SDC1: variants seen among roughly 807,000 people sequenced by gnomAD.
The protein encoded by SDC1 is syndecan-1.
Under a neutral mutation model 29.7 loss-of-function variants are expected in SDC1, and 14 were observed. That is an observed-to-expected ratio of 0.47 (90% CI 0.31 to 0.74). The LOEUF is 0.74. Among genes scored for constraint, SDC1 ranks in the 30% least tolerant of loss-of-function variants. The probability of loss-of-function intolerance (pLI) is 0.05; values close to 1 mark genes in which losing one functional copy is unlikely to be tolerated. For missense variants in SDC1, 406 were observed against 400.3 expected (o/e 1.01, Z -0.12); for synonymous variants, 204 against 175.5 (o/e 1.16, Z -1.29).
rs9430 is a variant in SDC1, at chr2:20,201,851, C to T, written c.*915G>A. 1,754 of 161,368 alleles carry T rather than the reference C, an allele frequency of 0.011. 30 individuals are homozygous for T. The highest frequency in any genetic ancestry group is 0.039 in the African/African-American group (1,649 of 41,854). The allele number at this position is 161,368 out of a possible 1,614,324, so 10.0% of individuals were successfully genotyped here. Reference sequence around the variant, plus strand: ...TGAGTCCCAGCATTCACTTCTCACACGGGCTTCTCCAACGTGGCAGCGGCC... The same window carrying T: ...TGAGTCCCAGCATTCACTTCTCACATGGGCTTCTCCAACGTGGCAGCGGCC... On this transcript the variant is annotated 3_prime_UTR_variant, in exon 5 of 5. Coordinates refer to ENST00000254351, the MANE Select transcript of SDC1 (RefSeq NM_002997.5).
chr2:20,200,942 G>C lies in SDC1; in HGVS notation c.*1824C>G, dbSNP rs1188192527. 1 of 152,226 alleles carries C rather than the reference G, an allele frequency of 6.6e-6. No individual in the cohort carries two copies. Among genetic ancestry groups the C allele is most frequent in the Non-Finnish European group, 1.5e-5 (1 of 68,072 alleles). The allele number at this position is 152,226 out of a possible 1,614,324, so 9.4% of individuals were successfully genotyped here. A position where few individuals can be genotyped will look rare whatever the true frequency, so the allele number is the denominator to read the frequency against. On this transcript the variant is annotated 3_prime_UTR_variant, in exon 5 of 5. Transcript: ENST00000254351. Reference sequence around the variant, plus strand: ...AGTCATGTGCAGTCATACACTCCAGGCAGAAAGTCGCAGTATCGAATACCG... The same window carrying C: ...AGTCATGTGCAGTCATACACTCCAGCCAGAAAGTCGCAGTATCGAATACCG...
intron 1 of SDC1, among the ~76,000 whole-genome samples, chr2:20,213,008 C>A (rs1677518482): frequency 6.6e-6 from 1 of 152,238 alleles, no homozygotes; most frequent in Non-Finnish European, 1.5e-5. Context: ...AGAGCCGAGC[C>A]TCCCAGCCCT....
At position 20,211,067 on chromosome 2, in the gene SDC1, C is replaced by A. The variant is rs1677450816; in HGVS notation, c.67-5643G>T. Among the ~76,000 whole-genome samples the A allele has an allele frequency of 2.0e-5, 3 of 152,284 alleles. No homozygotes were observed. The South Asian group carries it at 6.2e-4, about 32-fold the overall frequency. ...AGCTGCAGAGCCCCAGCCTTTACCC[C>A]CACCTCTGCATCAAGACACCATACT... On this transcript the variant is annotated intron_variant, in intron 1 of 4. Coordinates refer to ENST00000254351, the MANE Select transcript of SDC1 (RefSeq NM_002997.5).
chr2:20,224,107 G>C lies in SDC1; in HGVS notation c.66+695C>G, dbSNP rs568766343. 4.5e-4 allele frequency: 179 copies of C among 399,590 alleles called. 1 individual carries two copies. Among genetic ancestry groups the C allele is most frequent in the African/African-American group, 3.4e-3 (155 of 45,698 alleles). The allele number at this position is 399,590 out of a possible 1,614,324, so 24.8% of individuals were successfully genotyped here. On this transcript the variant is annotated intron_variant, in intron 1 of 4. Transcript: ENST00000254351. This position sits in a 1 kb window ranked among gnomAD's most constrained non-coding sequence, Gnocchi z 4.9. ...CTCCGGGGCCAGCTCAACTTCAGCA[G>C]CCCAGAAGTTGGGCTCCTCCGGGTC...
intron 1 of SDC1, among the ~76,000 whole-genome samples, chr2:20,217,441 A>C (rs962518184): frequency 1.5e-4 from 23 of 152,170 alleles, no homozygotes; most frequent in Non-Finnish European, 1.9e-4. Context: ...GCAGGCCCCC[A>C]GATACCCACC....
In SDC1 at chr2:20,223,305, C is replaced by T. The variant is rs1477053614; in HGVS notation, c.66+1497G>A. 3 of 1,292,842 alleles carry T rather than the reference C, an allele frequency of 2.3e-6. No homozygotes were observed. The East Asian group carries it at 1.7e-4, about 72-fold the overall frequency. 80.1% of individuals were successfully genotyped at this position (1,292,842 alleles called of 1,614,324 possible). On this transcript the variant is annotated intron_variant, in intron 1 of 4. Coordinates refer to ENST00000254351, the MANE Select transcript of SDC1 (RefSeq NM_002997.5). ...TGTAAAGAAAAAAAAAACCAAAGCG[C>T]TCAATAACTGGCAGCTACTACACGA...
chr2:20,219,050 G>A (rs968144307), intron 1 of SDC1, among the ~76,000 whole-genome samples: 2 of 152,218 alleles, frequency 1.3e-5, no homozygotes, highest in African/African-American at 4.8e-5. Context: ...CGCAGCAGGA[G>A]AGGTCGCTGG....
chr2:20,216,709 G>C (rs1677635549), intron 1 of SDC1, among the ~76,000 whole-genome samples: 2 of 152,164 alleles, frequency 1.3e-5, no homozygotes, highest in African/African-American at 2.4e-5. Flanking sequence ...GCAGGGCCAG[G>C]GCCCAAGTTC....
rs754402526 is a variant in SDC1, at chr2:20,203,240, C to T, written c.628-18G>A. 33 of 1,590,480 alleles carry T rather than the reference C, an allele frequency of 2.1e-5. No individual in the cohort carries two copies. The highest frequency in any genetic ancestry group is 2.8e-5 in the Non-Finnish European group (33 of 1,163,280). ...GTGAAGTCCTGTGGGAGGGCAGGGGCAGATTGGGTTGGCCAGGTCACCGCC... is the reference window on the plus strand; with the variant it reads ...GTGAAGTCCTGTGGGAGGGCAGGGGTAGATTGGGTTGGCCAGGTCACCGCC... On this transcript the variant is annotated intron_variant, in intron 3 of 4. Transcript: ENST00000254351.
At chr2:20,221,810 C>T (rs1677828622) in intron 1 of SDC1, among the ~76,000 whole-genome samples, 1 of 152,094 alleles carries the variant, frequency 6.6e-6, no homozygotes, top group Non-Finnish European at 1.5e-5. Context: ...CATCATGAGC[C>T]ACAGGTAGAG....
chr2:20,202,229 A>G lies in SDC1; in HGVS notation c.*537T>C, dbSNP rs766283152. On this transcript the variant is annotated 3_prime_UTR_variant, in exon 5 of 5. Transcript: ENST00000254351. The stretch of plus-strand genomic sequence containing the variant: ...AGTAACAAGGTCTACTGGGCTATGA[A>G]CAAAGAACTAGAGGAAACATGTGCA... 2 of 775,862 alleles carry G rather than the reference A, an allele frequency of 2.6e-6. No individual in the cohort carries two copies. Among genetic ancestry groups the G allele is most frequent in the South Asian group, 2.7e-5 (2 of 73,474 alleles). 48.1% of individuals were successfully genotyped at this position (775,862 alleles called of 1,614,324 possible).
chr2:20,213,639 C>T (rs1233953304), intron 1 of SDC1, among the ~76,000 whole-genome samples: 1 of 152,222 alleles, frequency 6.6e-6, no homozygotes, highest in Non-Finnish European at 1.5e-5. Flanking sequence ...CTAAAGAGCC[C>T]ACCAAGGTCA....
intron 1 of SDC1, chr2:20,208,148 G>A (rs969455842): frequency 1.0e-6 from 1 of 983,980 alleles, no homozygotes; most frequent in East Asian, 1.1e-4. Context: ...AGCCCACAGG[G>A]AAGACACACA....
Position 20,217,258 on chromosome 2 carries a change from G to A in SDC1, c.66+7544C>T, listed in dbSNP as rs370511221. Among the ~76,000 whole-genome samples, 44 of 152,252 alleles carry A rather than the reference G, an allele frequency of 2.9e-4. No individual in the cohort carries two copies. In the South Asian group the frequency reaches 8.1e-3, roughly 28 times the overall value. On this transcript the variant is annotated intron_variant, in intron 1 of 4. Coordinates refer to ENST00000254351, the MANE Select transcript of SDC1 (RefSeq NM_002997.5). ...TGTCACTGCAGAGACCACCTCTCTC[G>A]TCTGGTTCCAGTAACAGCCACCCTC...
At chr2:20,208,446 G>A (rs914218696) in intron 1 of SDC1, among the ~76,000 whole-genome samples, 4 of 152,192 alleles carry the variant, frequency 2.6e-5, no homozygotes, top group African/African-American at 7.2e-5. Flanking sequence ...CTCCACTAAG[G>A]GGACAGGCTA....
intron 1 of SDC1, among the ~76,000 whole-genome samples, chr2:20,220,171 T>G (rs1572473799): frequency 1.3e-5 from 2 of 152,222 alleles, no homozygotes; most frequent in South Asian, 4.1e-4. Flanking sequence ...GTTGTTTGCC[T>G]GATGGCACTG....
rs150171224 is a variant in SDC1, at chr2:20,205,348, C to T, written c.143G>A (p.Gly48Asp). The change falls in exon 2 of 5, where the codon GGT becomes GAT. Residue 48 changes from glycine (G) to aspartate (D), a missense_variant. By Grantham distance (94) the Gly-to-Asp change is moderately conservative. Transcript: ENST00000254351. ...GDDSDNFSGS[G>D]AGALQDITLS... ...GGCCCCCATGACAACCTCACCTGCACCTGAGCCGGAGAAGTTGTCAGAGTC... is the reference window on the plus strand; with the variant it reads ...GGCCCCCATGACAACCTCACCTGCATCTGAGCCGGAGAAGTTGTCAGAGTC... 3 of 1,613,814 alleles carry T rather than the reference C, an allele frequency of 1.9e-6. No homozygotes were observed. The highest frequency in any genetic ancestry group is 1.7e-6 in the Non-Finnish European group (2 of 1,179,874).
chr2:20,220,869 A>G (rs574015816), intron 1 of SDC1, among the ~76,000 whole-genome samples: 1 of 152,328 alleles, frequency 6.6e-6, no homozygotes, highest in African/African-American at 2.4e-5. Context: ...ACATGTGGTG[A>G]AGAGTTGGGG....
chr2:20,224,470 TGGCCGGGGC>T lies in SDC1; in HGVS notation c.66+323_66+331del, dbSNP rs1210880284. 6.6e-6 allele frequency among the ~76,000 whole-genome samples: 1 copy of T among 150,852 alleles called. No individual in the cohort carries two copies. The highest frequency in any genetic ancestry group is 2.4e-5 in the African/African-American group (1 of 41,088). On this transcript the variant is annotated intron_variant, in intron 1 of 4. Coordinates refer to ENST00000254351, the MANE Select transcript of SDC1 (RefSeq NM_002997.5). The surrounding 1 kb of genome is among the most constrained non-coding windows in gnomAD (Gnocchi z 4.9). ...ACCGACGGGGGCCCGGCCGCCGCGG[TGGCCGGGGC>T]GAGGAGGGTGGGAACGGGCGACCCC...
Sources: allele counts gnomAD v4.1 joint callset (sites outside exome capture counted in the v4.1 genomes callset), GRCh38; gene constraint gnomAD v4.1.1; non-coding constraint Gnocchi (gnomAD v3.1); transcripts MANE v1.5; gene names NCBI Gene and HGNC (gene_info 2026-07-23, HGNC 2026-07-21).